The following ABHD17B variants were observed in gnomAD, a reference collection of about 807,000 sequenced individuals.
ABHD17B encodes the protein abhydrolase domain containing 17B, depalmitoylase.
A neutral mutation model predicts 26.2 loss-of-function variants in ABHD17B; 9 were observed. The ratio of observed to expected loss-of-function variants is 0.34; its 90% CI spans 0.21 to 0.60. The LOEUF is 0.60. Among genes scored for constraint, ABHD17B ranks in the 20% least tolerant of loss-of-function variants. The pLI is 0.80. For synonymous variants in ABHD17B, 127 were observed against 122.3 expected (o/e 1.04, Z -0.25); for missense variants, 224 against 352.1 (o/e 0.64, Z 2.91).
chr9:71,898,379 C>A (rs1228882830), intron 1 of ABHD17B, among the ~76,000 whole-genome samples: 1 of 151,734 alleles, frequency 6.6e-6, no homozygotes, highest in African/African-American at 2.4e-5. Context: ...CGCCTGTAAT[C>A]CAAGCACTTT....
chr9:71,884,504 A>G (rs928931079), intron 1 of ABHD17B, among the ~76,000 whole-genome samples: 10 of 152,202 alleles, frequency 6.6e-5, no homozygotes, highest in Non-Finnish European at 1.2e-4. Flanking sequence ...AGGTACGAAC[A>G]GATCTATAAT....
downstream of ABHD17B, among the ~76,000 whole-genome samples, chr9:71,863,228 T>G (rs1825872980): frequency 6.6e-6 from 1 of 152,142 alleles, no homozygotes. Flanking sequence ...AACAAACAAA[T>G]TGGGACCATT....
intron 1 of ABHD17B, among the ~76,000 whole-genome samples, chr9:71,904,638 A>T (rs1449599892): frequency 6.6e-6 from 1 of 152,196 alleles, no homozygotes; most frequent in Non-Finnish European, 1.5e-5. Flanking sequence ...CTCACATTTG[A>T]TGATGCTGTA....
intron 1 of ABHD17B, among the ~76,000 whole-genome samples, chr9:71,892,192 T>C (rs1826804718): frequency 6.6e-6 from 1 of 152,130 alleles, no homozygotes; most frequent in Non-Finnish European, 1.5e-5. Flanking sequence ...TGAAGAAATT[T>C]ATAATTTGAA....
chr9:71,866,344 G>T lies in ABHD17B; in HGVS notation c.*443C>A. 1 of 990,310 alleles carries T rather than the reference G, an allele frequency of 1.0e-6. No homozygotes were observed. Among genetic ancestry groups the T allele is most frequent in the Non-Finnish European group, 1.2e-6 (1 of 830,188 alleles). 61.3% of individuals were successfully genotyped at this position (990,310 alleles called of 1,614,324 possible). The stretch of plus-strand genomic sequence containing the variant: ...TGCATGGTTTTAAATCTCTTTTACA[G>T]TTCATTCCATTATGAGTACTTAAAT... On this transcript the variant is annotated 3_prime_UTR_variant, in exon 4 of 4. Coordinates refer to ENST00000333421, the MANE Select transcript of ABHD17B (RefSeq NM_001025780.3).
In ABHD17B at chr9:71,894,607, A is replaced by G. The variant is rs116286029; in HGVS notation, c.-4+16027T>C. Among the ~76,000 whole-genome samples the G allele has an allele frequency of 1.7e-3, 260 of 152,336 alleles. 3 individuals carry two copies. Among genetic ancestry groups the G allele is most frequent in the African/African-American group, 5.8e-3 (243 of 41,576 alleles). On this transcript the variant is annotated intron_variant, in intron 1 of 3. Coordinates refer to ENST00000333421, the MANE Select transcript of ABHD17B (RefSeq NM_001025780.3). ...ATATTATTAAAAGCTACCTTCTAAA[A>G]GCATGGAAATGTATACAAAGGGCCC...
At chr9:71,886,502 AT>A (rs1193793169) in intron 1 of ABHD17B, among the ~76,000 whole-genome samples, 2 of 151,854 alleles carry the variant, frequency 1.3e-5, no homozygotes, top group African/African-American at 4.8e-5. Context: ...GTTTTAAAAC[AT>A]TTTCTATCTT....
chr9:71,883,495 TA>T (rs1284446014), intron 1 of ABHD17B, among the ~76,000 whole-genome samples: 6 of 152,202 alleles, frequency 3.9e-5, no homozygotes, highest in Non-Finnish European at 7.3e-5. Flanking sequence ...ACCACATGGG[TA>T]AAGTGGTTGG....
At chr9:71,903,855 G>C (rs532418861) in intron 1 of ABHD17B, among the ~76,000 whole-genome samples, 3 of 152,250 alleles carry the variant, frequency 2.0e-5, no homozygotes, top group Admixed American at 6.5e-5. Context: ...AGTGGGGGGC[G>C]GGAAGTAGGC....
chr9:71,865,659 A>G lies in ABHD17B; in HGVS notation c.*1128T>C, dbSNP rs946714381. 2.1e-5 allele frequency: 17 copies of G among 792,034 alleles called. No homozygotes were observed. The highest frequency in any genetic ancestry group is 6.4e-4 in the Middle Eastern group (1 of 1,564). 49.1% of individuals were successfully genotyped at this position (792,034 alleles called of 1,614,324 possible). ...GGGCAGATCATGAGGTCAGGAGTTC[A>G]AGACCAGCCTGATCAACATGGCAAA... On this transcript the variant is annotated 3_prime_UTR_variant, in exon 4 of 4. Coordinates refer to ENST00000333421, the MANE Select transcript of ABHD17B (RefSeq NM_001025780.3).
intron 1 of ABHD17B, among the ~76,000 whole-genome samples, chr9:71,886,344 T>C (rs1393449191): frequency 2.0e-5 from 3 of 151,816 alleles, no homozygotes; most frequent in East Asian, 1.9e-4. Context: ...TCTGAGCACT[T>C]TGGGAGGCCG....
chr9:71,890,118 A>G (rs1403786514), intron 1 of ABHD17B, among the ~76,000 whole-genome samples: 2 of 151,362 alleles, frequency 1.3e-5, no homozygotes, highest in African/African-American at 4.8e-5. Context: ...AAATAAATAA[A>G]TAAATAAATA....
chr9:71,903,248 T>C (rs535093902), intron 1 of ABHD17B, among the ~76,000 whole-genome samples: 1 of 152,250 alleles, frequency 6.6e-6, no homozygotes, highest in Admixed American at 6.5e-5. Flanking sequence ...GTTTGCTACA[T>C]GCATAGAATT....
intron 1 of ABHD17B, among the ~76,000 whole-genome samples, chr9:71,888,906 C>G (rs964182007): frequency 6.6e-6 from 1 of 151,626 alleles, no homozygotes; most frequent in African/African-American, 2.4e-5. Flanking sequence ...AAAACGTAAA[C>G]GGTGATAATA....
chr9:71,877,575 G>A (rs939000286), intron 1 of ABHD17B, among the ~76,000 whole-genome samples: 1 of 152,068 alleles, frequency 6.6e-6, no homozygotes, highest in Non-Finnish European at 1.5e-5. Flanking sequence ...ACACCACCAT[G>A]CCCAGCTAAT....
In ABHD17B at chr9:71,874,905, G is replaced by T; in HGVS notation, c.176C>A (p.Ser59Tyr). Reference sequence around the variant, plus strand: ...CTCAATAGCATCTTTTTCTCTAGAAGAATACTGCCAGTCTGCTCGTTCAGA... The same window carrying T: ...CTCAATAGCATCTTTTTCTCTAGAATAATACTGCCAGTCTGCTCGTTCAGA... ...HLSERADWQY[S>Y]SREKDAIECF... is the part of the protein sequence containing the mutation. The change falls in exon 2 of 4, where the codon TCT (serine) becomes TAT (tyrosine). Residue 59 changes from serine (S) to tyrosine (Y), a missense_variant. Coordinates refer to ENST00000333421, the MANE Select transcript of ABHD17B (RefSeq NM_001025780.3). 6.2e-7 allele frequency: 1 copy of T among 1,614,142 alleles called. No homozygotes were observed. Among genetic ancestry groups the T allele is most frequent in the Non-Finnish European group, 8.5e-7 (1 of 1,180,024 alleles).
At chr9:71,867,713 C>T in intron 3 of ABHD17B, among the ~76,000 whole-genome samples, 1 of 152,084 alleles carries the variant, frequency 6.6e-6, no homozygotes, top group Non-Finnish European at 1.5e-5. Context: ...TTCCTTTTGC[C>T]TGTTCATATA....
chr9:71,862,708 T>C, downstream of ABHD17B: 1 of 579,342 alleles, frequency 1.7e-6, no homozygotes, highest in Non-Finnish European at 3.1e-6. Flanking sequence ...TCTTAAGATT[T>C]TGTCATGTAT....
rs1476992508 is a variant in ABHD17B at position 71,870,280 on chromosome 9, TAAAAAC to T, written c.468-24_468-19del. ...TGCCATATCTACAAAGTTCAGGCGT[TAAAAAC>T]AAAAACCAAAAAAGTTGGAGTGATA... On this transcript the variant is annotated intron_variant, in intron 2 of 3. Coordinates refer to ENST00000333421, the MANE Select transcript of ABHD17B (RefSeq NM_001025780.3). The T allele has an allele frequency of 2.6e-6, 4 of 1,548,284 alleles. No homozygotes were observed. The African/African-American group carries it at 5.5e-5, about 21-fold the overall frequency.
Sources: gnomAD v4.1 joint callset for allele counts (sites outside exome capture counted in the v4.1 genomes callset) on GRCh38, gnomAD v4.1.1 for gene constraint, MANE v1.5 for transcripts, NCBI Gene and HGNC (gene_info 2026-07-23, HGNC 2026-07-21) for gene names.